PZP: variants seen among roughly 807,000 people sequenced by gnomAD.
PZP encodes the protein PZP alpha-2-macroglobulin like.
A neutral mutation model predicts 179.8 loss-of-function variants in PZP; 150 were observed. The ratio of observed to expected loss-of-function variants is 0.83; its 90% CI spans 0.73 to 0.96. PZP has a LOEUF of 0.96. PZP is among the 40% of genes least tolerant of loss of function. The pLI is 0.00. For synonymous variants in PZP, 624 were observed against 652.3 expected, an observed-to-expected ratio of 0.96 and a Z score of 0.66; for missense variants, 1,689 against 1,764.0, an observed-to-expected ratio of 0.96 and a Z score of 0.76.
At chr12:9,152,334 T>A (rs775383565) in intron 31 of PZP, 24 bp from the exon 32 acceptor site, 3 of 1,580,228 alleles carry the variant, frequency 1.9e-6, no homozygotes, top group Non-Finnish European at 2.6e-6. Context: ...GGAAAAAGAA[T>A]TTAGGGTTTT....
chr12:9,144,048 G>A (rs940694447), downstream of PZP, among the ~76,000 whole-genome samples: 14 of 152,166 alleles, frequency 9.2e-5, no homozygotes, highest in East Asian at 7.7e-4. Flanking sequence ...TGACTTTCCC[G>A]GGTACCATGA....
chr12:9,152,918 C>A lies in PZP; in HGVS notation c.4027G>T (p.Glu1343Ter), dbSNP rs750983320. The stretch of plus-strand genomic sequence containing the variant: ...ACTTTTAAAGCAAATGGGGAGTCCT[C>A]TTTCTCTGGAAGAATATTGTATTTC... ...SMKYNILPEKEDSPFALKVQT... is the reference protein window; with the variant it reads ...SMKYNILPEK The change falls in exon 31 of 36, where the codon GAG (glutamate) becomes TAG (stop). Residue 1343 changes from glutamate to a stop codon, truncating the protein, a stop_gained. Transcript: ENST00000261336. LOFTEE classifies it high-confidence loss of function. 6.2e-7 allele frequency: 1 copy of A among 1,614,142 alleles called. No individual in the cohort carries two copies. Among genetic ancestry groups the A allele is most frequent in the Non-Finnish European group, 8.5e-7 (1 of 1,180,018 alleles).
At chr12:9,160,991 C>T (rs1941163091) in intron 23 of PZP, 42 bp downstream of exon 23, 1 of 1,427,694 alleles carries the variant, frequency 7.0e-7, no homozygotes, top group South Asian at 1.1e-5. Context: ...TGTACAGTGG[C>T]AACTCTTTTG....
intron 30 of PZP, 64 bp from the exon 31 acceptor site, chr12:9,153,015 T>G: frequency 6.2e-7 from 1 of 1,610,836 alleles, no homozygotes; most frequent in Non-Finnish European, 8.5e-7. Flanking sequence ...TCCTCATTAC[T>G]TAACGTCTCC....
At position 9,155,465 on chromosome 12, in the gene PZP, AT is replaced by A. The variant is rs752130507; in HGVS notation, c.3551-627del. Among the ~76,000 whole-genome samples the A allele has an allele frequency of 6.0e-5, 9 of 151,100 alleles. No individual in the cohort carries two copies. The East Asian group carries it at 1.6e-3, about 27-fold the overall frequency. On this transcript the variant is annotated intron_variant, in intron 28 of 35. Coordinates refer to ENST00000261336, the MANE Select transcript of PZP (RefSeq NM_002864.3). ...ATTCAACTCAGAATTAAAACTTTTG[AT>A]TCTTGTTTTGTTTTTTGTTGTTGTT...
intron 32 of PZP, among the ~76,000 whole-genome samples, 182 bp from the exon 33 acceptor site, chr12:9,151,854 T>A (rs2120516215): frequency 6.6e-6 from 1 of 152,358 alleles, no homozygotes; most frequent in South Asian, 2.1e-4. Context: ...GCCTCTGGCA[T>A]CTTTGATAAT....
rs1376831449 is a variant in PZP, at chr12:9,163,658, A to T, written c.2736+10T>A. ...CTTACAGTTGTTAGGGACTCCCAAAAATATGTTACCTCCACCAACAGGGTT... is the reference window on the plus strand; with the variant it reads ...CTTACAGTTGTTAGGGACTCCCAAATATATGTTACCTCCACCAACAGGGTT... On this transcript the variant is annotated intron_variant, in intron 21 of 35. Coordinates refer to ENST00000261336, the MANE Select transcript of PZP (RefSeq NM_002864.3). 1.2e-6 allele frequency: 2 copies of T among 1,612,334 alleles called. No individual in the cohort carries two copies. The highest frequency in any genetic ancestry group is 1.7e-6 in the Non-Finnish European group (2 of 1,179,160).
chr12:9,192,427 G>T (rs766030637), intron 12 of PZP, 85 bp downstream of exon 12: 18 of 1,358,070 alleles, frequency 1.3e-5, no homozygotes, highest in Non-Finnish European at 1.9e-5. Flanking sequence ...CTGTGTGCAA[G>T]TAGTTTATTT....
intron 1 of PZP, 94 bp downstream of exon 1, chr12:9,208,165 G>A: frequency 4.6e-6 from 4 of 864,990 alleles, no homozygotes; most frequent in Non-Finnish European, 7.8e-6. Flanking sequence ...ATTGTAATGA[G>A]TGGAAAGGTG....
chr12:9,169,043 A>G, intron 16 of PZP, 69 bp from the exon 17 acceptor site: 1 of 1,143,992 alleles, frequency 8.7e-7, no homozygotes. Flanking sequence ...TTATCCTTAG[A>G]GACTTCTCTA....
At chr12:9,187,254 C>T (rs1462732895) in intron 13 of PZP, among the ~76,000 whole-genome samples, 2 of 152,066 alleles carry the variant, frequency 1.3e-5, no homozygotes, top group Non-Finnish European at 2.9e-5. Flanking sequence ...TGAGAAACTT[C>T]AACACTCCAC....
the PZP span, among the ~76,000 whole-genome samples, chr12:9,140,985 C>T: frequency 6.6e-6 from 1 of 152,082 alleles, no homozygotes; most frequent in Non-Finnish European, 1.5e-5. Context: ...AACTATATTG[C>T]CATAACTTAA....
Position 9,150,834 on chromosome 12 carries a change from C to T in PZP, c.4282-88G>A, listed in dbSNP as rs766582318. ...AACATATTCTTATTGTTCTTTGACTCTTTTTCACCAGTGTCTTTAGGTGAC... is the reference window on the plus strand; with the variant it reads ...AACATATTCTTATTGTTCTTTGACTTTTTTTCACCAGTGTCTTTAGGTGAC... On this transcript the variant is annotated intron_variant, in intron 33 of 35. Coordinates refer to ENST00000261336, the MANE Select transcript of PZP (RefSeq NM_002864.3). 635 of 848,326 alleles carry T rather than the reference C, an allele frequency of 7.5e-4. 4 individuals carry two copies. Among genetic ancestry groups the T allele is most frequent in the Non-Finnish European group, 9.7e-5 (50 of 514,784 alleles). The allele number at this position is 848,326 out of a possible 1,614,324, so 52.5% of individuals were successfully genotyped here.
At chr12:9,184,434 A>G (rs1942974044) in intron 13 of PZP, among the ~76,000 whole-genome samples, 1 of 152,178 alleles carries the variant, frequency 6.6e-6, no homozygotes, top group South Asian at 2.1e-4. Context: ...GTCAGTGCAA[A>G]TGCATGCACA....
intron 15 of PZP, among the ~76,000 whole-genome samples, chr12:9,171,726 G>A (rs1477720038): frequency 1.3e-5 from 2 of 152,106 alleles, no homozygotes; most frequent in African/African-American, 4.8e-5. Context: ...TAGACCAAGA[G>A]GAGGAAAGAA....
chr12:9,162,649 C>A lies in PZP; in HGVS notation c.2737-1G>T. On this transcript the variant is annotated splice_acceptor_variant, in intron 21 of 35. Coordinates refer to ENST00000261336, the MANE Select transcript of PZP (RefSeq NM_002864.3). LOFTEE classifies it high-confidence loss of function. The stretch of plus-strand genomic sequence containing the variant: ...TCTTTTCTTGCTCAATACCTTCAGC[C>A]TTGGATGAAAGGAAAGAAAAGGAGA... 1 of 1,589,678 alleles carries A rather than the reference C, an allele frequency of 6.3e-7. No individual in the cohort carries two copies.
At chr12:9,148,024 CAT>C (rs1358239731), downstream of PZP, among the ~76,000 whole-genome samples, 57 of 152,088 alleles carry the variant, frequency 3.7e-4, 2 homozygotes, top group African/African-American at 1.3e-3. Flanking sequence ...CCATAAAAGG[CAT>C]TAACTACTCT....
At chr12:9,152,793 A>G in intron 31 of PZP, 31 bp downstream of exon 31, 1 of 1,602,208 alleles carries the variant, frequency 6.2e-7, no homozygotes, top group Non-Finnish European at 8.5e-7. Flanking sequence ...CTTTTGGGCC[A>G]AAGATAGGTG....
chr12:9,140,799 G>A, the PZP span, among the ~76,000 whole-genome samples: 8 of 152,138 alleles, frequency 5.3e-5, no homozygotes, highest in Non-Finnish European at 1.0e-4. Flanking sequence ...CCTGTACAGG[G>A]ACTGTGCACA....
Sources: allele counts gnomAD v4.1 joint callset (sites outside exome capture counted in the v4.1 genomes callset), GRCh38; gene constraint gnomAD v4.1.1; transcripts MANE v1.5; gene names NCBI Gene and HGNC (gene_info 2026-07-23, HGNC 2026-07-21).